Variants in LIMS1 observed in about 807,000 individuals in gnomAD.
LIMS1 encodes LIM and senescent cell antigen-like-containing domain protein 1.
LIMS1 carries 18 observed loss-of-function variants against 44.1 expected under a neutral mutation model. The ratio of observed to expected loss-of-function variants is 0.41; its 90% CI spans 0.28 to 0.61. The LOEUF (loss-of-function observed/expected upper bound fraction) is 0.61. LIMS1 is among the 20% of genes least tolerant of loss of function. The probability of loss-of-function intolerance (pLI) is 0.32; values close to 1 mark genes in which losing one functional copy is unlikely to be tolerated. For missense variants in LIMS1, 201 were observed against 422.0 expected (o/e 0.48, Z 4.59); for synonymous variants, 93 against 149.1 (o/e 0.62, Z 2.74).
rs187511597 is a variant in LIMS1, at chr2:108,535,503, C to A, written c.32+909C>A. ...CGTTAAAATTCCTTGGTCTGTCTTG[C>A]AGTTTGAATGCAGCTGTTACCCATT... On this transcript the variant is annotated intron_variant, in intron 1 of 9. Transcript: ENST00000544547. Among the ~76,000 whole-genome samples the A allele has an allele frequency of 2.2e-3, 342 of 152,268 alleles. 1 individual carries two copies. Among genetic ancestry groups the A allele is most frequent in the Middle Eastern group, 0.014 (4 of 294 alleles).
chr2:108,575,057 A>T (rs912211293), intron 1 of LIMS1, among the ~76,000 whole-genome samples: 11 of 151,930 alleles, frequency 7.2e-5, no homozygotes, highest in African/African-American at 2.7e-4. Context: ...TTGGCAGGAT[A>T]CTCTTCTTTT....
intron 1 of LIMS1, among the ~76,000 whole-genome samples, chr2:108,556,003 T>A (rs1684914473): frequency 6.6e-6 from 1 of 152,080 alleles, no homozygotes; most frequent in Admixed American, 6.6e-5. Context: ...TATAGCAAAA[T>A]ATAAATAACA....
chr2:108,550,362 G>A (rs1044082342), intron 1 of LIMS1, among the ~76,000 whole-genome samples: 3 of 151,104 alleles, frequency 2.0e-5, no homozygotes, highest in Non-Finnish European at 2.9e-5. Context: ...AGCCGGGCGC[G>A]GTGGCAGGTG....
intron 1 of LIMS1, among the ~76,000 whole-genome samples, chr2:108,555,402 TC>T (rs1486907959): frequency 6.6e-6 from 1 of 152,170 alleles, no homozygotes; most frequent in East Asian, 1.9e-4. Context: ...CACCTGCTGG[TC>T]ACAGGATCCA....
chr2:108,635,785 T>TC (rs5833297), intron 1 of LIMS1, among the ~76,000 whole-genome samples: 256 of 152,014 alleles, frequency 1.7e-3, no homozygotes, highest in African/African-American at 3.0e-3. Context: ...AACACACTCC[T>TC]CCCCCCCGTC....
chr2:108,660,107 C>G (rs1055228418), intron 2 of LIMS1: 4 of 442,890 alleles, frequency 9.0e-6, no homozygotes, highest in African/African-American at 6.1e-5. Context: ...TCAGGCCCCC[C>G]ACACACCTCA....
intron 1 of LIMS1, among the ~76,000 whole-genome samples, chr2:108,624,630 G>A (rs1049227153): frequency 6.6e-6 from 1 of 152,106 alleles, no homozygotes. Context: ...GGTGGCAAGC[G>A]CCTGTAGTCC....
At chr2:108,606,690 C>T (rs1379549009) in intron 1 of LIMS1, among the ~76,000 whole-genome samples, 1 of 152,200 alleles carries the variant, frequency 6.6e-6, no homozygotes, top group African/African-American at 2.4e-5. Context: ...ATAGATTTGT[C>T]TAAAGTTCAG....
intron 1 of LIMS1, chr2:108,654,855 TC>T (rs1231419418): frequency 1.5e-5 from 21 of 1,356,302 alleles, no homozygotes; most frequent in Non-Finnish European, 2.1e-5. Context: ...TTTTAGAACT[TC>T]CAGAATGCCT....
chr2:108,536,500 A>C (rs902435644), intron 1 of LIMS1, among the ~76,000 whole-genome samples: 9 of 152,228 alleles, frequency 5.9e-5, no homozygotes, highest in African/African-American at 1.9e-4. Flanking sequence ...CAGCAGTTTA[A>C]CTGTTCACAT....
chr2:108,551,731 A>G (rs539859588), intron 1 of LIMS1, among the ~76,000 whole-genome samples: 1 of 146,526 alleles, frequency 6.8e-6, no homozygotes, highest in East Asian at 2.0e-4. Context: ...TGTATAATGT[A>G]TATGATATAC....
intron 1 of LIMS1, chr2:108,659,292 T>C (rs1479141997): frequency 8.6e-6 from 3 of 348,268 alleles, no homozygotes; most frequent in African/African-American, 4.4e-5. Context: ...GAGCAGCTTG[T>C]AACTTTCATC....
intron 1 of LIMS1, among the ~76,000 whole-genome samples, chr2:108,601,052 A>G (rs1686988888): frequency 6.6e-6 from 1 of 151,812 alleles, no homozygotes; most frequent in African/African-American, 2.4e-5. Context: ...TCCTGCCTCA[A>G]GCCTCCTGAG....
chr2:108,572,255 C>T (rs1411234172), intron 1 of LIMS1, among the ~76,000 whole-genome samples: 2 of 151,930 alleles, frequency 1.3e-5, no homozygotes, highest in African/African-American at 4.8e-5. Flanking sequence ...ATACAACTTA[C>T]ATACAATAAG....
At chr2:108,553,127 A>G (rs1353283056) in intron 1 of LIMS1, among the ~76,000 whole-genome samples, 2 of 152,200 alleles carry the variant, frequency 1.3e-5, no homozygotes, top group Admixed American at 6.5e-5. Context: ...TCCTCCTTAC[A>G]TAAGAGAATA....
intron 1 of LIMS1, among the ~76,000 whole-genome samples, chr2:108,613,728 C>T (rs1459958197): frequency 6.6e-6 from 1 of 152,166 alleles, no homozygotes; most frequent in Admixed American, 6.5e-5. Flanking sequence ...GGGTGAAGAA[C>T]ACCAGGTCCT....
At chr2:108,645,887 TC>T (rs761198018) in intron 1 of LIMS1, among the ~76,000 whole-genome samples, 29 of 149,866 alleles carry the variant, frequency 1.9e-4, no homozygotes, top group Admixed American at 3.3e-4. Context: ...ACTACAAAGA[TC>T]AAGAGACAAA....
At position 108,557,538 on chromosome 2, in the gene LIMS1, A is replaced by G. The variant is rs1235337932; in HGVS notation, c.32+22944A>G. Among the ~76,000 whole-genome samples the G allele has an allele frequency of 2.7e-5, 4 of 150,766 alleles. No homozygotes were observed. In the East Asian group the frequency reaches 5.8e-4, roughly 22 times the overall value. ...GTAGGAACTTTTTTTTTTTTGAGAG[A>G]CCTAGTCTTGCTCTGTTGCCCTGGC... is the stretch of plus-strand genomic sequence containing the variant. On this transcript the variant is annotated intron_variant, in intron 1 of 9. Coordinates refer to ENST00000544547, the Ensembl canonical transcript of LIMS1.
At chr2:108,540,900 G>C (rs561554773) in intron 1 of LIMS1, among the ~76,000 whole-genome samples, 1 of 152,312 alleles carries the variant, frequency 6.6e-6, no homozygotes, top group South Asian at 2.1e-4. Flanking sequence ...GTTACAGTTT[G>C]TTGTGTGTAT....
Sources: allele counts gnomAD v4.1 joint callset (sites outside exome capture counted in the v4.1 genomes callset), GRCh38; gene constraint gnomAD v4.1.1; transcripts MANE v1.5; gene names NCBI Gene and HGNC (gene_info 2026-07-23, HGNC 2026-07-21).